STPG2: variants seen among roughly 807,000 people sequenced by gnomAD.
The protein encoded by STPG2 is sperm tail PG-rich repeat containing 2.
In STPG2, 56 loss-of-function variants were observed where a neutral mutation model predicts 54.2. The ratio of observed to expected loss-of-function variants is 1.03; its 90% confidence interval spans 0.83 to 1.29. The LOEUF is 1.29. Among genes scored for constraint, STPG2 ranks in the 50% most tolerant of loss-of-function variants. STPG2 has a pLI of 0.00. For synonymous variants in STPG2, 200 were observed against 181.8 expected (o/e 1.10, Z -0.81); for missense variants, 596 against 544.9 (o/e 1.09, Z -0.93).
intron 8 of STPG2, among the ~76,000 whole-genome samples, chr4:97,887,483 AGT>A (rs1341020701): frequency 1.3e-5 from 2 of 152,200 alleles, no homozygotes; most frequent in African/African-American, 4.8e-5. Context: ...TGAACACAAC[AGT>A]GATGATTTAG....
At chr4:98,024,028 T>G (rs1424169669) in intron 5 of STPG2, among the ~76,000 whole-genome samples, 2 of 152,008 alleles carry the variant, frequency 1.3e-5, no homozygotes, top group Admixed American at 1.3e-4. Context: ...CACAGTTCGC[T>G]GCACCCACTG....
chr4:97,924,148 A>G (rs1354450560), intron 8 of STPG2, among the ~76,000 whole-genome samples: 2 of 152,194 alleles, frequency 1.3e-5, no homozygotes, highest in African/African-American at 4.8e-5. Context: ...CGAGACCACG[A>G]ACCCACCAGA....
intron 10 of STPG2, among the ~76,000 whole-genome samples, chr4:97,660,169 A>T (rs972832207): frequency 6.6e-6 from 1 of 151,960 alleles, no homozygotes; most frequent in Non-Finnish European, 1.5e-5. Flanking sequence ...AGCCCAGCTA[A>T]TTTTTTGTAT....
At chr4:97,566,953 A>G (rs550892345) in intron 10 of STPG2, among the ~76,000 whole-genome samples, 35 of 152,024 alleles carry the variant, frequency 2.3e-4, no homozygotes, top group African/African-American at 7.5e-4. Flanking sequence ...TAATGGGCGC[A>G]GCACACCAGC....
rs927407014 is a variant in STPG2, at chr4:97,643,427, T to A, written c.1320+69272A>T. On this transcript the variant is annotated intron_variant, in intron 10 of 10. Transcript: ENST00000295268. ...GTTTCCTGATGCATATCATCTTAAT[T>A]TCCACCTAAGTAGTTTAAGTACAGC... Among the ~76,000 whole-genome samples the A allele has an allele frequency of 4.0e-5, 6 of 150,170 alleles. No homozygotes were observed. In the East Asian group the frequency reaches 1.2e-3, roughly 29 times the overall value.
intron 9 of STPG2, among the ~76,000 whole-genome samples, chr4:97,783,657 A>T (rs1048778206): frequency 6.6e-6 from 1 of 152,230 alleles, no homozygotes. Flanking sequence ...TCACAATAGC[A>T]AAGACTTGGA....
intron 4 of STPG2, among the ~76,000 whole-genome samples, chr4:97,512,161 C>CT (rs1730986992): frequency 6.6e-6 from 1 of 151,674 alleles, no homozygotes; most frequent in African/African-American, 2.4e-5. Context: ...TGTGTAAAAC[C>CT]ACAGGTAGTG....
chr4:97,561,863 G>A (rs1732258156), intron 10 of STPG2, among the ~76,000 whole-genome samples: 1 of 152,178 alleles, frequency 6.6e-6, no homozygotes, highest in African/African-American at 2.4e-5. Context: ...ATACTTTGAA[G>A]TCAGGTAGCG....
chr4:97,781,816 A>T (rs1454944934), intron 9 of STPG2, among the ~76,000 whole-genome samples: 1 of 152,206 alleles, frequency 6.6e-6, no homozygotes, highest in Non-Finnish European at 1.5e-5. Context: ...ATATAAACAG[A>T]ACCAAAGAAA....
chr4:98,008,765 C>A (rs1735651239), intron 5 of STPG2, among the ~76,000 whole-genome samples: 1 of 151,934 alleles, frequency 6.6e-6, no homozygotes, highest in Non-Finnish European at 1.5e-5. Flanking sequence ...GTACCAAATT[C>A]TCCACTTAAA....
At chr4:97,577,893 A>G (rs890571360) in intron 10 of STPG2, among the ~76,000 whole-genome samples, 1 of 152,174 alleles carries the variant, frequency 6.6e-6, no homozygotes. Flanking sequence ...TACAGTTAAT[A>G]ATGATCATGG....
At chr4:97,519,148 T>C (rs1731132319) in intron 4 of STPG2, among the ~76,000 whole-genome samples, 1 of 152,016 alleles carries the variant, frequency 6.6e-6, no homozygotes, top group Non-Finnish European at 1.5e-5. Flanking sequence ...GAGCTGCCAA[T>C]ACAGATGGGA....
intron 7 of STPG2, among the ~76,000 whole-genome samples, chr4:97,961,322 C>T (rs1029952788): frequency 1.3e-5 from 2 of 152,024 alleles, no homozygotes; most frequent in African/African-American, 4.8e-5. Context: ...AACCCAAAAA[C>T]AAATGCAAAT....
Position 97,494,192 on chromosome 4 carries a change from T to C in STPG2, c.462+218507A>G, listed in dbSNP as rs1052139343. 3.3e-5 allele frequency among the ~76,000 whole-genome samples: 5 copies of C among 151,718 alleles called. No homozygotes were observed. In the South Asian group the frequency reaches 6.2e-4, roughly 19 times the overall value. On this transcript the variant is annotated intron_variant, in intron 4 of 4. Transcript: ENST00000522676. ...ACCTATGAGGTTTTAAAATAACTTATATATCCATGAGCTGGAGAGATACAG... is the reference window on the plus strand; with the variant it reads ...ACCTATGAGGTTTTAAAATAACTTACATATCCATGAGCTGGAGAGATACAG...
At chr4:98,121,331 C>T (rs900645709) in intron 3 of STPG2, among the ~76,000 whole-genome samples, 14 of 151,988 alleles carry the variant, frequency 9.2e-5, no homozygotes, top group African/African-American at 3.1e-4. Flanking sequence ...TGTGATGCCT[C>T]TAGTTTTGTT....
intron 9 of STPG2, among the ~76,000 whole-genome samples, chr4:97,737,223 T>A (rs962874044): frequency 2.0e-5 from 3 of 152,016 alleles, no homozygotes; most frequent in Admixed American, 6.5e-5. Context: ...GTCACCATCA[T>A]CAAAGACCAA....
chr4:97,560,689 A>T (rs1368978032), intron 10 of STPG2, among the ~76,000 whole-genome samples: 5 of 152,190 alleles, frequency 3.3e-5, no homozygotes, highest in African/African-American at 1.2e-4. Context: ...GAAAGCATGA[A>T]TCCAGAGATT....
At chr4:97,624,444 G>T (rs536499731) in intron 10 of STPG2, among the ~76,000 whole-genome samples, 3 of 152,168 alleles carry the variant, frequency 2.0e-5, no homozygotes, top group African/African-American at 7.2e-5. Context: ...ATCTGTTCAT[G>T]TCTTTTGCCC....
intron 8 of STPG2, among the ~76,000 whole-genome samples, chr4:97,931,141 T>A (rs1218569579): frequency 6.6e-6 from 1 of 152,244 alleles, no homozygotes; most frequent in Non-Finnish European, 1.5e-5. Flanking sequence ...AGATATAGTT[T>A]GGCTTCCTCT....
Sources: allele counts gnomAD v4.1 joint callset (sites outside exome capture counted in the v4.1 genomes callset), GRCh38; gene constraint gnomAD v4.1.1; transcripts MANE v1.5; gene names NCBI Gene and HGNC (gene_info 2026-07-23, HGNC 2026-07-21).